The following MKI67 variants were observed in gnomAD, a reference collection of about 807,000 sequenced individuals.
MKI67 encodes proliferation marker protein Ki-67.
Under a neutral mutation model 233.5 loss-of-function variants are expected in MKI67, and 152 were observed. The ratio of observed to expected loss-of-function variants is 0.65; its 90% CI spans 0.57 to 0.74. MKI67 has a LOEUF of 0.74. MKI67 is among the 30% of genes least tolerant of loss of function. The pLI, the probability that MKI67 is intolerant of heterozygous loss-of-function variation, is 0.00. For synonymous variants in MKI67, 1,465 were observed against 1,418.5 expected, an observed-to-expected ratio of 1.03 and a Z score of -0.74; for missense variants, 3,940 against 3,885.2, an observed-to-expected ratio of 1.01 and a Z score of -0.37.
chr10:128,113,714 G>A, intron 7 of MKI67, 112 bp from the exon 8 acceptor site: 2 of 916,334 alleles, frequency 2.2e-6, no homozygotes, highest in Non-Finnish European at 3.4e-6. Flanking sequence ...TCGAAACACA[G>A]TACCTACAGC....
At chr10:128,116,153 G>A in intron 6 of MKI67, 146 bp from the exon 7 acceptor site, 1 of 895,640 alleles carries the variant, frequency 1.1e-6, no homozygotes, top group Non-Finnish European at 1.7e-6. Flanking sequence ...CCTAAAACTT[G>A]CAAGTCTTAT....
At chr10:128,099,701 G>A (rs1852293062) in intron 14 of MKI67, among the ~76,000 whole-genome samples, 2 of 152,214 alleles carry the variant, frequency 1.3e-5, no homozygotes, top group Admixed American at 6.5e-5. Context: ...TCTTGCAGTA[G>A]TTCTCACCCC....
intron 5 of MKI67, among the ~76,000 whole-genome samples, 198 bp from the exon 6 acceptor site, chr10:128,116,734 T>C (rs1429715825): frequency 6.6e-6 from 1 of 152,152 alleles, no homozygotes; most frequent in Admixed American, 6.5e-5. Flanking sequence ...TGATGTAACC[T>C]CATCTCTACT....
chr10:128,109,128 G>A lies in MKI67; in HGVS notation c.2712C>T (p.Ile904=). ...EETNTEIVEC[I]LKRGQKATLL... ...GTGTTGCCTTCTGACCTCTTTTTAG[G>A]ATGCACTCAACAATTTCTGTATTTG... Residue 904 remains isoleucine, a synonymous_variant, in exon 13 of 15, where the codon ATC becomes ATT. Transcript: ENST00000368654. The A allele has an allele frequency of 6.2e-7, 1 of 1,613,856 alleles. No homozygotes were observed. Among genetic ancestry groups the A allele is most frequent in the Non-Finnish European group, 8.5e-7 (1 of 1,179,980 alleles).
At position 128,108,940 on chromosome 10, in the gene MKI67, A is replaced by T; in HGVS notation, c.2900T>A (p.Leu967His). Residue 967 changes from leucine to histidine, a missense_variant, in exon 13 of 15, where the codon CTC becomes CAC. Physicochemically the swap from Leu to His is moderately conservative, Grantham distance 99. Coordinates refer to ENST00000368654, the MANE Select transcript of MKI67 (RefSeq NM_002417.5). ...KCAPMSDLTD[L>H]KSLPDTELMK... is the part of the protein sequence containing the mutation. ...GAGTTCTGTATCAGGCAAGCTCTTG[A>T]GGTCTGTCAGGTCAGACATTGGTGC... 1 of 1,614,190 alleles carries T rather than the reference A, an allele frequency of 6.2e-7. No homozygotes were observed. Among genetic ancestry groups the T allele is most frequent in the African/African-American group, 1.3e-5 (1 of 75,032 alleles).
At position 128,125,755 on chromosome 10, in the gene MKI67, C is replaced by A; in HGVS notation, c.-88G>T. ...GCCAGAAGCAAATTTACAACTCTTC[C>A]ACTGCAAAAGAGGTGCGAGTTACTC... On this transcript the variant is annotated splice_region_variant and 5_prime_UTR_variant, in exon 2 of 15. Transcript: ENST00000368654. The surrounding 1 kb of genome is among the most constrained non-coding windows in gnomAD (Gnocchi z 5.3). 9.0e-7 allele frequency: 1 copy of A among 1,115,270 alleles called. No individual in the cohort carries two copies. The highest frequency in any genetic ancestry group is 1.2e-5 in the South Asian group (1 of 80,730). 69.1% of individuals were successfully genotyped at this position (1,115,270 alleles called of 1,614,324 possible). A position where few individuals can be genotyped will look rare whatever the true frequency, so the allele number is the denominator to read the frequency against.
rs1852519762 is a variant in MKI67, at chr10:128,107,096, C to A, written c.4744G>T (p.Ala1582Ser). Residue 1582 changes from alanine (A) to serine (S), a missense_variant, in exon 13 of 15, where the codon GCC becomes TCC. Physicochemically the swap from Ala to Ser is moderately conservative, Grantham distance 99. Transcript: ENST00000368654. ...KRRLQTPKEK[A>S]QALEDLAGFK... ...CCAGCCAGGTCTTCTAGAGCCTGGG[C>A]CTTTTCCTTAGGAGTTTGTAGCCGT... The A allele has an allele frequency of 5.6e-6, 9 of 1,613,558 alleles. No individual in the cohort carries two copies. The African/African-American group carries it at 8.0e-5, about 14-fold the overall frequency.
chr10:128,126,009 G>C (rs1335306987), intron 1 of MKI67, 90 bp downstream of exon 1: 2 of 334,924 alleles, frequency 6.0e-6, no homozygotes, highest in Non-Finnish European at 1.1e-5. Flanking sequence ...CCGCGCGTCT[G>C]TCCCCTGCCC....
chr10:128,110,377 C>T lies in MKI67; in HGVS notation c.2416+1G>A. On this transcript the variant is annotated splice_donor_variant, in intron 12 of 14. Coordinates refer to ENST00000368654, the MANE Select transcript of MKI67 (RefSeq NM_002417.5). LOFTEE classifies it high-confidence loss of function. The stretch of plus-strand genomic sequence containing the variant: ...CAGTGTTAGGAAACAAGGAAACCAA[C>T]CAAAACTCTCTGAGGTGGGGAGCAG... 6.4e-7 allele frequency: 1 copy of T among 1,557,510 alleles called. No individual in the cohort carries two copies. The highest frequency in any genetic ancestry group is 8.8e-7 in the Non-Finnish European group (1 of 1,139,054).
chr10:128,125,825 TC>T lies in MKI67; in HGVS notation c.-89-70del. On this transcript the variant is annotated intron_variant, in intron 1 of 14. Coordinates refer to ENST00000368654, the MANE Select transcript of MKI67 (RefSeq NM_002417.5). The surrounding 1 kb of genome is among the most constrained non-coding windows in gnomAD (Gnocchi z 5.3). ...AAGGGCCCCGTGCCCAATTCACCTATCCCCGGCCACAGAAGCGCACACCGCA... is the reference window on the plus strand; with the variant it reads ...AAGGGCCCCGTGCCCAATTCACCTATCCCGGCCACAGAAGCGCACACCGCA... 2.9e-6 allele frequency: 2 copies of T among 684,316 alleles called. No individual in the cohort carries two copies. The highest frequency in any genetic ancestry group is 2.2e-5 in the Admixed American group (1 of 45,068). 42.4% of individuals were successfully genotyped at this position (684,316 alleles called of 1,614,324 possible). A position where few individuals can be genotyped will look rare whatever the true frequency, so the allele number is the denominator to read the frequency against.
chr10:128,099,357 AG>A (rs1486382873), intron 14 of MKI67, 102 bp from the exon 15 acceptor site: 1 of 686,492 alleles, frequency 1.5e-6, no homozygotes, highest in Non-Finnish European at 2.3e-6. Context: ...GGTATTATGC[AG>A]GTCCTTAGTT....
At chr10:128,100,473 C>T (rs1852314377) in intron 14 of MKI67, among the ~76,000 whole-genome samples, 1 of 152,178 alleles carries the variant, frequency 6.6e-6, no homozygotes, top group Admixed American at 6.5e-5. Flanking sequence ...ACATGAGTTT[C>T]GTTTGCTGAA....
At chr10:128,113,655 T>A (rs12255393) in intron 7 of MKI67, 53 bp from the exon 8 acceptor site, 359,993 of 1,510,308 alleles carry the variant, frequency 0.24, 44,740 homozygotes, top group Admixed American at 0.31. Context: ...ATACCAAGAC[T>A]AGTGATTTAT....
At position 128,115,634 on chromosome 10, in the gene MKI67, T is replaced by C; in HGVS notation, c.774A>G (p.Leu258=). The change falls in exon 7 of 15, where the codon CTA becomes CTG. Residue 258 remains leucine (L), a synonymous_variant. Coordinates refer to ENST00000368654, the MANE Select transcript of MKI67 (RefSeq NM_002417.5). ...GTAATCCAGATTTTCTACAATACTG[T>C]AGGACATTTTCTTTTTGTGATTTTA... ...LDVKSQKENV[L]QYCRKSGLQT... 6.2e-7 allele frequency: 1 copy of C among 1,613,874 alleles called. No individual in the cohort carries two copies. The highest frequency in any genetic ancestry group is 1.3e-5 in the African/African-American group (1 of 75,010).
chr10:128,108,350 T>C lies in MKI67; in HGVS notation c.3490A>G (p.Arg1164Gly). 2 of 1,614,178 alleles carry C rather than the reference T, an allele frequency of 1.2e-6. No individual in the cohort carries two copies. The highest frequency in any genetic ancestry group is 1.7e-6 in the Non-Finnish European group (2 of 1,180,038). Reference protein sequence around the residue: ...ADVEEEFLALRKLTPSAGKAM... With the variant: ...ADVEEEFLALGKLTPSAGKAM... ...TTCCCTGCTGATGGTGTTAGTTTCC[T>C]GAGTGCTAAGAATTCTTCCTCTACA... Residue 1164 changes from arginine (R) to glycine (G), a missense_variant, in exon 13 of 15, where the codon AGG becomes GGG. Arg to Gly is a moderately radical substitution (Grantham distance 125, BLOSUM62 -2). Transcript: ENST00000368654.
rs760102283 is a variant in MKI67, at chr10:128,103,414, CCTG to C, written c.8423_8425del (p.Ala2808del). ...ATCAGTCATTGATTCTTCAGTGTGA[CCTG>C]CTGCTGGGTCTTTGAAGCCAGCTAG... is the stretch of plus-strand genomic sequence containing the variant. On this transcript the variant is annotated inframe_deletion, in exon 13 of 15. Transcript: ENST00000368654. The C allele has an allele frequency of 6.2e-7, 1 of 1,613,412 alleles. No individual in the cohort carries two copies. Among genetic ancestry groups the C allele is most frequent in the Non-Finnish European group, 8.5e-7 (1 of 1,179,894 alleles).
chr10:128,109,879 G>C (rs1317783102), intron 12 of MKI67, among the ~76,000 whole-genome samples: 1 of 152,154 alleles, frequency 6.6e-6, no homozygotes, highest in Non-Finnish European at 1.5e-5. Context: ...GTAGCAAGCT[G>C]TTCCCTCTGT....
chr10:128,116,128 A>G, intron 6 of MKI67, 121 bp from the exon 7 acceptor site: 2 of 1,174,780 alleles, frequency 1.7e-6, no homozygotes, highest in Non-Finnish European at 2.4e-6. Flanking sequence ...TACTTGGCCT[A>G]CAAATTATTT....
At position 128,125,651 on chromosome 10, in the gene MKI67, C is replaced by T. The variant is rs1307092195; in HGVS notation, c.17G>A (p.Arg6His). The change falls in exon 2 of 15, where the codon CGC (arginine) becomes CAC (histidine). Residue 6 changes from arginine (R) to histidine (H), a missense_variant. By Grantham distance (29) the Arg-to-His change is conservative. Coordinates refer to ENST00000368654, the MANE Select transcript of MKI67 (RefSeq NM_002417.5). This position sits in a 1 kb window ranked among gnomAD's most constrained non-coding sequence, Gnocchi z 5.3. MWPTR[R>H]LVTIKRSGVD... ...CCCGCTCCTTTTGATAGTAACCAGG[C>T]GTCTCGTGGGCCACATTTTCTAAAC... 1.9e-6 allele frequency: 3 copies of T among 1,613,586 alleles called. No individual in the cohort carries two copies. The highest frequency in any genetic ancestry group is 1.3e-5 in the African/African-American group (1 of 74,878).
Sources: allele counts gnomAD v4.1 joint callset (sites outside exome capture counted in the v4.1 genomes callset), GRCh38; gene constraint gnomAD v4.1.1; non-coding constraint Gnocchi (gnomAD v3.1); transcripts MANE v1.5; gene names NCBI Gene and HGNC (gene_info 2026-07-23, HGNC 2026-07-21).